RGS12: variants seen among roughly 807,000 people sequenced by gnomAD.
RGS12 encodes regulator of G-protein signaling 12.
RGS12 carries 66 observed loss-of-function variants against 120.1 expected under a neutral mutation model. That is an observed-to-expected ratio of 0.55 (90% CI 0.45 to 0.67). The LOEUF is 0.67. Ranked by LOEUF, RGS12 falls within the 30% of genes least tolerant of loss-of-function variation. The pLI, the probability that RGS12 is intolerant of heterozygous loss-of-function variation, is 0.00. For synonymous variants in RGS12, 827 were observed against 804.7 expected (o/e 1.03, Z -0.47); for missense variants, 1,859 against 1,957.7 (o/e 0.95, Z 0.95).
chr4:3,298,356 AT>A (rs1019655246), intron 1 of RGS12, among the ~76,000 whole-genome samples: 2 of 149,992 alleles, frequency 1.3e-5, no homozygotes, highest in African/African-American at 2.4e-5. Flanking sequence ...TGTTTGTTCA[AT>A]TTTTTTTTTA....
intron 12 of RGS12, among the ~76,000 whole-genome samples, chr4:3,423,234 C>T (rs71608281): frequency 0.032 from 4,874 of 152,276 alleles, 109 homozygotes; most frequent in East Asian, 0.054. Context: ...CCTAAGATGC[C>T]GAGAGGGAGG....
In RGS12 at chr4:3,323,504, A is replaced by G. The variant is rs1451832631; in HGVS notation, c.1881+5453A>G. ...TCCCTTTATTGAAAATACATGTGAC[A>G]TACTGCTGTGAGTTACTTTTTTCTA... On this transcript the variant is annotated intron_variant, in intron 2 of 17. Coordinates refer to ENST00000336727, the MANE Select transcript of RGS12 (RefSeq NM_001394154.1). Among the ~76,000 whole-genome samples the G allele has an allele frequency of 3.3e-5, 5 of 152,330 alleles. No individual in the cohort carries two copies. The East Asian group carries it at 9.7e-4, about 29-fold the overall frequency.
At chr4:3,303,081 C>G (rs1723775024) in intron 1 of RGS12, among the ~76,000 whole-genome samples, 3 of 152,056 alleles carry the variant, frequency 2.0e-5, no homozygotes, top group African/African-American at 7.2e-5. Context: ...AATCATGGGG[C>G]CACGAGGAAG....
chr4:3,417,782 A>C, intron 9 of RGS12: 1 of 508,834 alleles, frequency 2.0e-6, no homozygotes, highest in South Asian at 2.8e-5. Flanking sequence ...GGCTCAATAC[A>C]TTTCAGCCCA....
In RGS12 at chr4:3,417,027, C is replaced by T. The variant is rs1403396603; in HGVS notation, c.2542C>T (p.Pro848Ser). 16 of 1,613,138 alleles carry T rather than the reference C, an allele frequency of 9.9e-6. No homozygotes were observed. Reference sequence around the variant, plus strand: ...TGCACTCCCGGACTCGCAGCAGGTCCCCAGCAGCCCGGCTTCCAAGCACAG... The same window carrying T: ...TGCACTCCCGGACTCGCAGCAGGTCTCCAGCAGCCCGGCTTCCAAGCACAG... ...GRALPDSQQV[P>S]SSPASKHSLG... Residue 848 changes from proline (P) to serine (S), a missense_variant, in exon 8 of 18, where the codon CCC becomes TCC. This residue lies in a region of RGS12 where 375 missense variants were observed against 475.0 expected (regional missense o/e 0.79). Coordinates refer to ENST00000336727, the MANE Select transcript of RGS12 (RefSeq NM_001394154.1).
chr4:3,300,416 A>G (rs1189339262), intron 1 of RGS12, among the ~76,000 whole-genome samples: 1 of 152,102 alleles, frequency 6.6e-6, no homozygotes, highest in Non-Finnish European at 1.5e-5. Flanking sequence ...TGTGGATTCC[A>G]GCCTTTAGCA....
intron 3 of RGS12, among the ~76,000 whole-genome samples, chr4:3,346,875 C>G (rs890505656): frequency 1.7e-4 from 26 of 152,122 alleles, no homozygotes; most frequent in Admixed American, 1.4e-3. Context: ...CGCTGTAAGT[C>G]TAGGAACCCT....
chr4:3,339,176 C>T (rs1029763378), intron 2 of RGS12, among the ~76,000 whole-genome samples: 6 of 152,126 alleles, frequency 3.9e-5, no homozygotes, highest in Non-Finnish European at 8.8e-5. Flanking sequence ...GTGGAAGGGC[C>T]GCTCACCTGG....
At chr4:3,291,592 C>T (rs1328319363), upstream of RGS12, among the ~76,000 whole-genome samples, 1 of 152,218 alleles carries the variant, frequency 6.6e-6, no homozygotes, top group African/African-American at 2.4e-5. Context: ...GGCGATCTGT[C>T]CGCCTCAGCC....
chr4:3,355,108 T>C (rs1461120163), intron 3 of RGS12, among the ~76,000 whole-genome samples: 1 of 152,178 alleles, frequency 6.6e-6, no homozygotes, highest in Non-Finnish European at 1.5e-5. Context: ...ACATACACAT[T>C]TGTTTCAAGG....
At chr4:3,297,073 T>C (rs2051559) in intron 1 of RGS12, among the ~76,000 whole-genome samples, 18,636 of 152,256 alleles carry the variant, frequency 0.12, 1,168 homozygotes, top group South Asian at 0.17. Context: ...TTCTGTGTCT[T>C]TTAAGGTCTG....
chr4:3,387,439 C>T (rs931053610), intron 4 of RGS12, among the ~76,000 whole-genome samples: 6 of 152,132 alleles, frequency 3.9e-5, no homozygotes, highest in African/African-American at 1.4e-4. Flanking sequence ...CCAGGAGGAC[C>T]CCAGGTGGGC....
chr4:3,320,534 G>A (rs957172090), intron 2 of RGS12, among the ~76,000 whole-genome samples: 2 of 152,248 alleles, frequency 1.3e-5, no homozygotes, highest in Non-Finnish European at 2.9e-5. Context: ...GGGCATGTGA[G>A]TGCTGGGACC....
At chr4:3,435,707 C>T (rs995766418) in intron 17 of RGS12, among the ~76,000 whole-genome samples, 4 of 152,100 alleles carry the variant, frequency 2.6e-5, no homozygotes, top group African/African-American at 4.8e-5. Flanking sequence ...GTGGTCCTCC[C>T]GGATCCCACC....
Position 3,439,498 on chromosome 4 carries a change from C to T in RGS12, c.4158C>T (p.Ile1386=). ...HGSRDLPVNR[I]IDVDLVTGSA... Reference sequence around the variant, plus strand: ...GCCGAGACCTCCCAGTCAACAGAATCATCGATGTGGATCTTGTAACTGGCT... The same window carrying T: ...GCCGAGACCTCCCAGTCAACAGAATTATCGATGTGGATCTTGTAACTGGCT... The change falls in exon 18 of 18, where the codon ATC becomes ATT. Residue 1386 remains isoleucine, a synonymous_variant. Coordinates refer to ENST00000336727, the MANE Select transcript of RGS12 (RefSeq NM_001394154.1). The T allele has an allele frequency of 1.9e-6, 3 of 1,612,856 alleles. No homozygotes were observed. Among genetic ancestry groups the T allele is most frequent in the Non-Finnish European group, 2.5e-6 (3 of 1,179,914 alleles).
At chr4:3,301,342 A>G (rs770443930) in intron 1 of RGS12, among the ~76,000 whole-genome samples, 4 of 152,242 alleles carry the variant, frequency 2.6e-5, no homozygotes, top group Non-Finnish European at 4.4e-5. Flanking sequence ...AGTGGATAAG[A>G]TACTAAAAGC....
chr4:3,396,717 A>T (rs1274008964), intron 4 of RGS12, among the ~76,000 whole-genome samples: 2 of 151,986 alleles, frequency 1.3e-5, no homozygotes, highest in African/African-American at 4.8e-5. Flanking sequence ...TGTCTTTAAG[A>T]TTGCCTTGGT....
intron 3 of RGS12, among the ~76,000 whole-genome samples, chr4:3,363,669 G>A (rs970962070): frequency 3.3e-5 from 5 of 151,820 alleles, no homozygotes; most frequent in African/African-American, 9.7e-5. Flanking sequence ...GGAGTGAGGC[G>A]GCAGCGCGTG....
rs555726639 is a variant in RGS12, at chr4:3,321,324, G to T, written c.1881+3273G>T. Reference sequence around the variant, plus strand: ...GCTGTGAGAGAGTGAAGCAGCTCCAGGTGAGGATTGGTGGCTGTCCCCAGT... The same window carrying T: ...GCTGTGAGAGAGTGAAGCAGCTCCATGTGAGGATTGGTGGCTGTCCCCAGT... On this transcript the variant is annotated intron_variant, in intron 2 of 17. Coordinates refer to ENST00000336727, the MANE Select transcript of RGS12 (RefSeq NM_001394154.1). 2.0e-5 allele frequency among the ~76,000 whole-genome samples: 3 copies of T among 152,274 alleles called. No individual in the cohort carries two copies. The East Asian group carries it at 5.8e-4, about 29-fold the overall frequency.
Sources: gnomAD v4.1 joint callset for allele counts (sites outside exome capture counted in the v4.1 genomes callset) on GRCh38, gnomAD v4.1.1 for gene constraint, gnomAD v4.1.1 regional missense constraint, MANE v1.5 for transcripts, NCBI Gene and HGNC (gene_info 2026-07-23, HGNC 2026-07-21) for gene names.